The following CDKL1 variants were observed in gnomAD, a reference collection of about 807,000 sequenced individuals.
CDKL1 encodes cyclin-dependent kinase-like 1.
Under a neutral mutation model 42.0 loss-of-function variants are expected in CDKL1, and 41 were observed. The ratio of observed to expected loss-of-function variants is 0.98; its 90% CI spans 0.76 to 1.27. The LOEUF (loss-of-function observed/expected upper bound fraction) is 1.27. Among genes scored for constraint, CDKL1 ranks in the 50% most tolerant of loss-of-function variants. The pLI, the probability that CDKL1 is intolerant of heterozygous loss-of-function variation, is 0.00. For synonymous variants in CDKL1, 153 were observed against 158.6 expected (o/e 0.96, Z 0.26); for missense variants, 394 against 428.4 (o/e 0.92, Z 0.71).
chr14:50,377,809 A>G (rs2034779087), intron 2 of CDKL1: 6 of 933,272 alleles, frequency 6.4e-6, no homozygotes, highest in Non-Finnish European at 8.5e-6. Flanking sequence ...AACACCTATA[A>G]ATCACTGAAA....
intron 7 of CDKL1, chr14:50,335,454 C>G (rs1278113470): frequency 2.1e-5 from 32 of 1,535,312 alleles, no homozygotes; most frequent in Non-Finnish European, 2.8e-5. Flanking sequence ...TGCTTCCCTT[C>G]TCAGCCTGCT....
chr14:50,391,070 A>C (rs556326214), intron 2 of CDKL1, among the ~76,000 whole-genome samples: 295 of 152,220 alleles, frequency 1.9e-3, no homozygotes, highest in Middle Eastern at 6.8e-3. Context: ...CATGGGCTCG[A>C]GAGATCAGCA....
intron 3 of CDKL1, among the ~76,000 whole-genome samples, chr14:50,355,275 T>C (rs932953484): frequency 1.3e-5 from 2 of 152,200 alleles, no homozygotes; most frequent in Non-Finnish European, 2.9e-5. Context: ...ATAAATACTT[T>C]TGTAATTAAG....
At chr14:50,358,826 G>C (rs1275333679) in intron 3 of CDKL1, among the ~76,000 whole-genome samples, 1 of 151,784 alleles carries the variant, frequency 6.6e-6, no homozygotes, top group African/African-American at 2.4e-5. Flanking sequence ...TTTTAGTAGA[G>C]ATGGGGTTTC....
chr14:50,341,986 G>A lies in CDKL1; in HGVS notation c.454+146C>T, dbSNP rs528083118. 3.1e-5 allele frequency: 20 copies of A among 636,472 alleles called. No homozygotes were observed. The East Asian group carries it at 3.3e-4, about 11-fold the overall frequency. 39.4% of individuals were successfully genotyped at this position (636,472 alleles called of 1,614,324 possible). A position where few individuals can be genotyped will look rare whatever the true frequency, so the allele number is the denominator to read the frequency against. On this transcript the variant is annotated intron_variant, in intron 5 of 9. Coordinates refer to ENST00000395834, the MANE Select transcript of CDKL1 (RefSeq NM_004196.7). Reference sequence around the variant, plus strand: ...ACCATTGTATTATCTACACATTTTCGGTAATTACAAAATTATAATTTATAG... The same window carrying A: ...ACCATTGTATTATCTACACATTTTCAGTAATTACAAAATTATAATTTATAG...
Position 50,334,604 on chromosome 14 carries a change from T to G in CDKL1, c.756A>C (p.Lys252Asn). 1 of 1,602,230 alleles carries G rather than the reference T, an allele frequency of 6.2e-7. No homozygotes were observed. The highest frequency in any genetic ancestry group is 8.6e-7 in the Non-Finnish European group (1 of 1,169,214). ...DPEDMEPLEL[K>N]FPNISYPALG... ...GGGCAGGATAAGAGATGTTTGGGAATTTTAATTCAAGTGGTTCCTGTTGAA... is the reference window on the plus strand; with the variant it reads ...GGGCAGGATAAGAGATGTTTGGGAAGTTTAATTCAAGTGGTTCCTGTTGAA... The change falls in exon 8 of 10, where the codon AAA becomes AAC. Residue 252 changes from lysine (K) to asparagine (N), a missense_variant. By Grantham distance (94) the Lys-to-Asn change is moderately conservative. Transcript: ENST00000395834.
At chr14:50,336,382 GA>G (rs2033278752) in intron 7 of CDKL1, among the ~76,000 whole-genome samples, 1 of 152,086 alleles carries the variant, frequency 6.6e-6, no homozygotes, top group Non-Finnish European at 1.5e-5. Flanking sequence ...AAGTGAACAG[GA>G]AATCACTAGG....
chr14:50,353,286 G>T (rs939164289), intron 3 of CDKL1, among the ~76,000 whole-genome samples: 6 of 152,184 alleles, frequency 3.9e-5, no homozygotes, highest in African/African-American at 1.2e-4. Flanking sequence ...ACATCAAACC[G>T]ATTTTTAAAA....
intron 7 of CDKL1, chr14:50,336,300 A>T (rs1467079555): frequency 2.5e-6 from 3 of 1,201,718 alleles, no homozygotes; most frequent in Non-Finnish European, 2.1e-6. Context: ...CTGCAGGACA[A>T]TCTCTGGGAA....
chr14:50,396,979 C>A (rs1174197555), upstream of CDKL1: 20 of 851,676 alleles, frequency 2.3e-5, no homozygotes, highest in Non-Finnish European at 1.2e-5. Flanking sequence ...CACCCCCGGC[C>A]CGGCCCAGCC....
chr14:50,365,519 G>T (rs1159211158), intron 2 of CDKL1, among the ~76,000 whole-genome samples: 1 of 152,098 alleles, frequency 6.6e-6, no homozygotes, highest in Non-Finnish European at 1.5e-5. Flanking sequence ...GGGTTGCCAG[G>T]ATTCCAGGTG....
chr14:50,339,780 TC>T (rs2033444913), intron 6 of CDKL1, among the ~76,000 whole-genome samples: 1 of 152,132 alleles, frequency 6.6e-6, no homozygotes, highest in Non-Finnish European at 1.5e-5. Context: ...TCAGCTAAAA[TC>T]CCCTTTATGT....
intron 3 of CDKL1, chr14:50,357,217 GGC>G (rs2034081684): frequency 6.6e-6 from 1 of 152,158 alleles, no homozygotes. Flanking sequence ...GGCTCTCTCT[GGC>G]TATGTAAATT....
At chr14:50,395,303 A>G (rs1403469549) in intron 2 of CDKL1, among the ~76,000 whole-genome samples, 1 of 152,246 alleles carries the variant, frequency 6.6e-6, no homozygotes, top group Non-Finnish European at 1.5e-5. Flanking sequence ...AATATCCCAC[A>G]GCATCTCTAA....
At chr14:50,387,081 C>T (rs2035105234) in intron 2 of CDKL1, among the ~76,000 whole-genome samples, 1 of 151,526 alleles carries the variant, frequency 6.6e-6, no homozygotes, top group Admixed American at 6.6e-5. Flanking sequence ...GTGATGCATG[C>T]CTGTAGTCCC....
chr14:50,385,387 G>T (rs1221666387), intron 2 of CDKL1, among the ~76,000 whole-genome samples: 1 of 152,206 alleles, frequency 6.6e-6, no homozygotes, highest in Non-Finnish European at 1.5e-5. Flanking sequence ...CAGCCAGTTA[G>T]TCTAAGTCGA....
chr14:50,338,836 T>C, intron 7 of CDKL1, 111 bp downstream of exon 7: 1 of 745,580 alleles, frequency 1.3e-6, no homozygotes, highest in Admixed American at 2.0e-5. Context: ...TTTCTTTTTC[T>C]CTGTTAGACT....
chr14:50,338,185 G>A (rs2033377825), intron 7 of CDKL1, among the ~76,000 whole-genome samples: 1 of 152,080 alleles, frequency 6.6e-6, no homozygotes, highest in African/African-American at 2.4e-5. Flanking sequence ...ATAATAGAGG[G>A]TAAGCACCAG....
chr14:50,385,962 T>C (rs1566610184), intron 2 of CDKL1, among the ~76,000 whole-genome samples: 1 of 152,126 alleles, frequency 6.6e-6, no homozygotes, highest in Non-Finnish European at 1.5e-5. Context: ...ATAGACTATA[T>C]ATTAGATAAT....
Sources: gnomAD v4.1 joint callset for allele counts (sites outside exome capture counted in the v4.1 genomes callset) on GRCh38, gnomAD v4.1.1 for gene constraint, MANE v1.5 for transcripts, NCBI Gene and HGNC (gene_info 2026-07-23, HGNC 2026-07-21) for gene names.